ERBB4: variants seen among roughly 807,000 people sequenced by gnomAD.
ERBB4 encodes the protein erb-b2 receptor tyrosine kinase 4, also known as receptor tyrosine-protein kinase erbB-4.
Under a neutral mutation model 158.0 loss-of-function variants are expected in ERBB4, and 42 were observed. The observed-to-expected ratio is 0.27, with a 90% CI of 0.21 to 0.34. The LOEUF is 0.34. Among genes scored for constraint, ERBB4 ranks in the 10% least tolerant of loss-of-function variants. The probability of loss-of-function intolerance (pLI) is 1.00; values close to 1 mark genes in which losing one functional copy is unlikely to be tolerated. For missense variants in ERBB4, 1,333 were observed against 1,624.1 expected, an observed-to-expected ratio of 0.82 and a Z score of 3.08; for synonymous variants, 583 against 558.7, an observed-to-expected ratio of 1.04 and a Z score of -0.61.
intron 20 of ERBB4, among the ~76,000 whole-genome samples, chr2:211,491,348 A>G (rs2065337102): frequency 6.6e-6 from 1 of 152,086 alleles, no homozygotes; most frequent in Non-Finnish European, 1.5e-5. Context: ...CAGGATAGGT[A>G]TCAATATCTC....
intron 17 of ERBB4, among the ~76,000 whole-genome samples, chr2:211,624,625 A>G (rs1851176): frequency 0.88 from 133,872 of 152,178 alleles, 59,009 homozygotes; most frequent in Middle Eastern, 0.93. Context: ...TTACCTGTTA[A>G]ATCAATAGTT....
chr2:211,744,180 C>A (rs901517892), intron 5 of ERBB4, among the ~76,000 whole-genome samples: 3 of 151,990 alleles, frequency 2.0e-5, no homozygotes, highest in African/African-American at 7.2e-5. Context: ...ATAGCCTGAA[C>A]ATAATTAAAT....
intron 19 of ERBB4, among the ~76,000 whole-genome samples, chr2:211,617,805 C>T (rs1477444709): frequency 6.6e-6 from 1 of 152,008 alleles, no homozygotes; most frequent in Non-Finnish European, 1.5e-5. Flanking sequence ...AATCAGAGTG[C>T]ATATGCTTGC....
At chr2:212,300,038 A>G (rs1255196255) in intron 1 of ERBB4, among the ~76,000 whole-genome samples, 1 of 151,618 alleles carries the variant, frequency 6.6e-6, no homozygotes, top group Non-Finnish European at 1.5e-5. Context: ...AAATCATTGA[A>G]GCAAAAATGA....
chr2:211,946,310 T>C (rs1184168013), intron 3 of ERBB4, among the ~76,000 whole-genome samples: 2 of 152,048 alleles, frequency 1.3e-5, no homozygotes, highest in Non-Finnish European at 2.9e-5. Flanking sequence ...AAACTAGAAA[T>C]TTAATATCCA....
chr2:211,421,261 G>GAAAT (rs1223247120), intron 24 of ERBB4, among the ~76,000 whole-genome samples: 3 of 151,152 alleles, frequency 2.0e-5, no homozygotes, highest in African/African-American at 7.4e-5. Flanking sequence ...AAAATAAATG[G>GAAAT]AAATAAGTAT....
chr2:212,239,607 C>A (rs775212827), intron 1 of ERBB4, among the ~76,000 whole-genome samples: 27 of 152,164 alleles, frequency 1.8e-4, no homozygotes, highest in Non-Finnish European at 1.5e-4. Context: ...TACTCTCAAG[C>A]TATCTGACTG....
At chr2:212,323,201 T>C (rs1233457822) in intron 1 of ERBB4, among the ~76,000 whole-genome samples, 4 of 150,542 alleles carry the variant, frequency 2.7e-5, no homozygotes. Context: ...AAGAACCTCT[T>C]TTGACTAAAT....
intron 20 of ERBB4, among the ~76,000 whole-genome samples, chr2:211,497,144 TA>T (rs902830018): frequency 6.6e-5 from 10 of 152,238 alleles, no homozygotes; most frequent in African/African-American, 2.4e-4. Context: ...AATGTTGTTA[TA>T]AAAATGGCAA....
At chr2:211,845,283 A>T (rs1415245941) in intron 3 of ERBB4, among the ~76,000 whole-genome samples, 1 of 151,798 alleles carries the variant, frequency 6.6e-6, no homozygotes, top group Non-Finnish European at 1.5e-5. Flanking sequence ...AAAGTGCCAC[A>T]TCAGAATTGG....
At chr2:212,418,947 C>T (rs1440397140) in intron 1 of ERBB4, among the ~76,000 whole-genome samples, 2 of 151,864 alleles carry the variant, frequency 1.3e-5, no homozygotes, top group African/African-American at 4.8e-5. Flanking sequence ...AATTTCAATG[C>T]AAACATGAAA....
At chr2:211,756,934 C>G (rs549860942) in intron 4 of ERBB4, among the ~76,000 whole-genome samples, 1 of 152,258 alleles carries the variant, frequency 6.6e-6, no homozygotes, top group South Asian at 2.1e-4. Context: ...TGGACACATT[C>G]CCATCAAATT....
chr2:211,417,999 G>A (rs2063430257), intron 25 of ERBB4, among the ~76,000 whole-genome samples: 1 of 151,722 alleles, frequency 6.6e-6, no homozygotes, highest in Non-Finnish European at 1.5e-5. Context: ...TAGAAAATGA[G>A]GAAACAAAGT....
At chr2:211,783,344 T>C (rs537288436) in intron 4 of ERBB4, among the ~76,000 whole-genome samples, 3 of 152,364 alleles carry the variant, frequency 2.0e-5, no homozygotes, top group East Asian at 1.9e-4. Flanking sequence ...CTTTTCCTAA[T>C]TGAATACCCT....
intron 19 of ERBB4, among the ~76,000 whole-genome samples, chr2:211,601,816 G>A (rs2068809119): frequency 1.3e-5 from 2 of 151,778 alleles, no homozygotes; most frequent in Non-Finnish European, 2.9e-5. Flanking sequence ...GAGGTGGGAT[G>A]GAGGGAGGGA....
chr2:211,837,749 T>A (rs1463600121), intron 3 of ERBB4, among the ~76,000 whole-genome samples: 1 of 152,148 alleles, frequency 6.6e-6, no homozygotes, highest in African/African-American at 2.4e-5. Context: ...ATAGGTCCTG[T>A]CATCTCTCTA....
intron 2 of ERBB4, among the ~76,000 whole-genome samples, chr2:212,069,918 G>A (rs1216536884): frequency 6.6e-6 from 1 of 151,704 alleles, no homozygotes; most frequent in African/African-American, 2.4e-5. Flanking sequence ...GGAAACTTGA[G>A]ACCAGCCTGG....
chr2:211,430,777 T>TAC (rs927034624), intron 21 of ERBB4, among the ~76,000 whole-genome samples, 168 bp downstream of exon 21: 65 of 151,570 alleles, frequency 4.3e-4, no homozygotes, highest in African/African-American at 1.3e-3. Context: ...GATATATATA[T>TAC]ACACACACAT....
At chr2:212,407,928 T>A (rs566270319) in intron 1 of ERBB4, among the ~76,000 whole-genome samples, 33 of 152,168 alleles carry the variant, frequency 2.2e-4, no homozygotes, top group African/African-American at 7.7e-4. Context: ...TTTGAAAATT[T>A]AGGTATAAGG....
Sources: allele counts gnomAD v4.1 joint callset (sites outside exome capture counted in the v4.1 genomes callset), GRCh38; gene constraint gnomAD v4.1.1; transcripts MANE v1.5; gene names NCBI Gene and HGNC (gene_info 2026-07-23, HGNC 2026-07-21).